Variants in FAM221A observed in about 807,000 individuals in gnomAD.
FAM221A encodes family with sequence similarity 221 member A.
In FAM221A, 43 loss-of-function variants were observed where a neutral mutation model predicts 37.6. The ratio of observed to expected loss-of-function variants is 1.15; its 90% CI spans 0.90 to 1.48. FAM221A has a LOEUF of 1.48. Ranked by LOEUF, FAM221A falls within the 40% of genes most tolerant of loss-of-function variation. The pLI is 0.00. For synonymous variants in FAM221A, 135 were observed against 132.9 expected (o/e 1.02, Z -0.11); for missense variants, 361 against 361.5 (o/e 1.00, Z 0.01).
intron 5 of FAM221A, among the ~76,000 whole-genome samples, chr7:23,700,025 C>T (rs898161604): frequency 2.0e-5 from 3 of 152,102 alleles, no homozygotes; most frequent in African/African-American, 7.2e-5. Context: ...AATAAGAATC[C>T]CTTCTTACTC....
intron 4 of FAM221A, among the ~76,000 whole-genome samples, chr7:23,696,850 A>T (rs1015196283): frequency 6.6e-6 from 1 of 152,234 alleles, no homozygotes; most frequent in Non-Finnish European, 1.5e-5. Flanking sequence ...GACCGAGGAA[A>T]CCTCTTGCTG....
chr7:23,689,386 C>G lies in FAM221A; in HGVS notation c.357C>G (p.Ser119Arg). ...ACCTTTATGTCCCCTTGAATGGTAG[C>G]CAGCCCATTCGCTGCAGGTGCAAAC... ...RAYLYVPLNGSQPIRCRCKHF... is the reference protein window; with the variant it reads ...RAYLYVPLNGRQPIRCRCKHF... The change falls in exon 3 of 7, where the codon AGC becomes AGG. Residue 119 changes from serine (S) to arginine (R), a missense_variant. Physicochemically the swap from Ser to Arg is moderately radical, Grantham distance 110. Coordinates refer to ENST00000344962, the MANE Select transcript of FAM221A (RefSeq NM_199136.5). 3.1e-6 allele frequency: 5 copies of G among 1,607,638 alleles called. No individual in the cohort carries two copies. The highest frequency in any genetic ancestry group is 4.3e-6 in the Non-Finnish European group (5 of 1,175,176).
intron 1 of FAM221A, among the ~76,000 whole-genome samples, chr7:23,682,557 G>C (rs1024653582): frequency 9.2e-5 from 14 of 151,614 alleles, no homozygotes; most frequent in African/African-American, 3.2e-4. Flanking sequence ...AGTTTCCAGA[G>C]TAGTTGGGAT....
chr7:23,681,023 G>A (rs1480304981), intron 1 of FAM221A, among the ~76,000 whole-genome samples: 2 of 152,196 alleles, frequency 1.3e-5, no homozygotes, highest in Non-Finnish European at 2.9e-5. Context: ...CGGCATCGTG[G>A]GTGGCCCAGA....
chr7:23,690,600 A>G (rs936859184), intron 3 of FAM221A, among the ~76,000 whole-genome samples: 2 of 152,154 alleles, frequency 1.3e-5, no homozygotes, highest in Non-Finnish European at 1.5e-5. Flanking sequence ...TTTTTTATAC[A>G]ACGACTTTTC....
In FAM221A at chr7:23,702,282, C is replaced by T; in HGVS notation, c.*118C>T. ...CTTTTTTTTTTTACTGTATAAATGT[C>T]TTTTGGGATGTTTCCTTAATTTATT... is the stretch of plus-strand genomic sequence containing the variant. On this transcript the variant is annotated 3_prime_UTR_variant, in exon 7 of 7. Transcript: ENST00000344962. The T allele has an allele frequency of 5.4e-6, 3 of 555,130 alleles. No homozygotes were observed. The highest frequency in any genetic ancestry group is 8.7e-6 in the Non-Finnish European group (3 of 343,650). The allele number at this position is 555,130 out of a possible 1,614,324, so 34.4% of individuals were successfully genotyped here.
chr7:23,683,852 G>A lies in FAM221A; in HGVS notation c.66-647G>A, dbSNP rs1038245641. On this transcript the variant is annotated intron_variant, in intron 1 of 6. Transcript: ENST00000344962. ...GAGATTATTTCTGTAACTGGTTATAGGGAGAAGGCCTGGAAGATATCGCCA... is the reference window on the plus strand; with the variant it reads ...GAGATTATTTCTGTAACTGGTTATAAGGAGAAGGCCTGGAAGATATCGCCA... 4.6e-5 allele frequency among the ~76,000 whole-genome samples: 7 copies of A among 152,144 alleles called. No individual in the cohort carries two copies. In the East Asian group the frequency reaches 1.3e-3, roughly 29 times the overall value.
intron 2 of FAM221A, chr7:23,686,176 T>C (rs755918825): frequency 1.1e-4 from 36 of 317,362 alleles, no homozygotes; most frequent in Middle Eastern, 1.1e-3. Context: ...GATAGTTTTA[T>C]AATTTATTCT....
chr7:23,702,298 T>C lies in FAM221A; in HGVS notation c.*134T>C, dbSNP rs1785509792. ...TATAAATGTCTTTTGGGATGTTTCC[T>C]TAATTTATTTAAATAACTAAAAATG... On this transcript the variant is annotated 3_prime_UTR_variant, in exon 7 of 7. Transcript: ENST00000344962. 1 of 486,978 alleles carries C rather than the reference T, an allele frequency of 2.1e-6. No individual in the cohort carries two copies. The highest frequency in any genetic ancestry group is 5.4e-5 in the South Asian group (1 of 18,536). The allele number at this position is 486,978 out of a possible 1,614,324, so 30.2% of individuals were successfully genotyped here. A position where few individuals can be genotyped will look rare whatever the true frequency, so the allele number is the denominator to read the frequency against.
chr7:23,684,522 G>A lies in FAM221A; in HGVS notation c.89G>A (p.Gly30Glu). 6.2e-7 allele frequency: 1 copy of A among 1,608,866 alleles called. No individual in the cohort carries two copies. Among genetic ancestry groups the A allele is most frequent in the Non-Finnish European group, 8.5e-7 (1 of 1,178,088 alleles). ...YRRIVGEDDG[G>E]KLFTPEEYEE... ...AGAATTGTTGGTGAGGATGATGGAG[G>A]GAAACTTTTTACTCCTGAAGAATAT... is the stretch of plus-strand genomic sequence containing the variant. Residue 30 changes from glycine (G) to glutamate (E), a missense_variant, in exon 2 of 7, where the codon GGG (glycine) becomes GAG (glutamate). Coordinates refer to ENST00000344962, the MANE Select transcript of FAM221A (RefSeq NM_199136.5).
intron 3 of FAM221A, among the ~76,000 whole-genome samples, chr7:23,690,736 C>A (rs982683918): frequency 6.6e-5 from 10 of 152,174 alleles, no homozygotes; most frequent in African/African-American, 2.2e-4. Flanking sequence ...ATTTTTCTCA[C>A]CCCAAAAAGA....
At chr7:23,699,380 C>G (rs889175548) in intron 5 of FAM221A, among the ~76,000 whole-genome samples, 8 of 151,838 alleles carry the variant, frequency 5.3e-5, no homozygotes, top group African/African-American at 1.9e-4. Flanking sequence ...CTCAGCTTCC[C>G]AAAGCACTAG....
At chr7:23,693,603 T>C (rs947667490) in intron 4 of FAM221A, 6 of 152,228 alleles carry the variant, frequency 3.9e-5, no homozygotes, top group Admixed American at 2.6e-4. Flanking sequence ...TTTTTTTCTT[T>C]ACAGTTTAGA....
At chr7:23,683,903 AT>A (rs1784207850) in intron 1 of FAM221A, among the ~76,000 whole-genome samples, 1 of 152,230 alleles carries the variant, frequency 6.6e-6, no homozygotes, top group Non-Finnish European at 1.5e-5. Context: ...ACATATGTTT[AT>A]AAGTATATAT....
intron 3 of FAM221A, 134 bp downstream of exon 3, chr7:23,689,593 G>C (rs766035754): frequency 4.1e-5 from 25 of 606,316 alleles, no homozygotes; most frequent in Non-Finnish European, 5.6e-5. Flanking sequence ...CAGTTATGGC[G>C]TTAATATTAA....
At chr7:23,697,191 C>G (rs563640234) in intron 4 of FAM221A, among the ~76,000 whole-genome samples, 17 of 152,364 alleles carry the variant, frequency 1.1e-4, no homozygotes, top group African/African-American at 3.8e-4. Context: ...AGAGCCCCTT[C>G]TCCCATGTTC....
Position 23,702,174 on chromosome 7 carries a change from G to T in FAM221A, c.*10G>T. On this transcript the variant is annotated 3_prime_UTR_variant, in exon 7 of 7. Coordinates refer to ENST00000344962, the MANE Select transcript of FAM221A (RefSeq NM_199136.5). ...TACAAAACCTTCATGAAGACTATTGGAGAAATTAAAACCATCATCCAAGTA... is the reference window on the plus strand; with the variant it reads ...TACAAAACCTTCATGAAGACTATTGTAGAAATTAAAACCATCATCCAAGTA... The T allele has an allele frequency of 6.4e-7, 1 of 1,555,390 alleles. No homozygotes were observed. Among genetic ancestry groups the T allele is most frequent in the South Asian group, 1.2e-5 (1 of 82,346 alleles).
chr7:23,692,895 T>C (rs1784834311), intron 4 of FAM221A: 1 of 274,014 alleles, frequency 3.6e-6, no homozygotes, highest in African/African-American at 2.3e-5. Flanking sequence ...TTTGAACTCC[T>C]GGGTTCAAGC....
At chr7:23,696,369 GC>G (rs1785061535) in intron 4 of FAM221A, among the ~76,000 whole-genome samples, 1 of 152,154 alleles carries the variant, frequency 6.6e-6, no homozygotes, top group Non-Finnish European at 1.5e-5. Flanking sequence ...ACCAGCCTAG[GC>G]AACATGGCGA....
Sources: allele counts gnomAD v4.1 joint callset (sites outside exome capture counted in the v4.1 genomes callset), GRCh38; gene constraint gnomAD v4.1.1; transcripts MANE v1.5; gene names NCBI Gene and HGNC (gene_info 2026-07-23, HGNC 2026-07-21).